The following MSRA variants were observed in gnomAD, a reference collection of about 807,000 sequenced individuals.
MSRA encodes methionine sulfoxide reductase A, also known as mitochondrial peptide methionine sulfoxide reductase.
A neutral mutation model predicts 31.3 loss-of-function variants in MSRA; 54 were observed. That is an observed-to-expected ratio of 1.73 (90% confidence interval 1.39 to 2.17). The LOEUF is 2.17. MSRA is among the 30% of genes most tolerant of loss of function. MSRA has a pLI of 0.00. For synonymous variants in MSRA, 169 were observed against 116.5 expected (o/e 1.45, Z -2.90); for missense variants, 507 against 300.9 (o/e 1.69, Z -5.07).
At chr8:10,209,423 T>G (rs1043403343) in intron 2 of MSRA, among the ~76,000 whole-genome samples, 6 of 152,252 alleles carry the variant, frequency 3.9e-5, no homozygotes, top group Admixed American at 3.3e-4. Context: ...AAAACTTCTT[T>G]CTTGAAGGGC....
At chr8:10,068,458 A>G (rs183921112) in intron 1 of MSRA, among the ~76,000 whole-genome samples, 1 of 152,178 alleles carries the variant, frequency 6.6e-6, no homozygotes, top group African/African-American at 2.4e-5. Context: ...GCATTTAGCT[A>G]TGTGATCCAT....
chr8:10,094,245 T>C (rs1046703597), intron 1 of MSRA, among the ~76,000 whole-genome samples: 4 of 152,266 alleles, frequency 2.6e-5, no homozygotes, highest in Non-Finnish European at 4.4e-5. Context: ...TTCACTGTTA[T>C]ATTACTTAAT....
intron 3 of MSRA, among the ~76,000 whole-genome samples, chr8:10,292,103 A>G (rs556797037): frequency 6.6e-6 from 1 of 152,336 alleles, no homozygotes; most frequent in African/African-American, 2.4e-5. Flanking sequence ...TTCTCTGCAT[A>G]GTAGCCACAT....
chr8:10,307,375 C>T (rs981918351), intron 4 of MSRA, among the ~76,000 whole-genome samples: 2 of 152,104 alleles, frequency 1.3e-5, no homozygotes, highest in Non-Finnish European at 2.9e-5. Flanking sequence ...CCATGTTGCT[C>T]AGGCTGGTCT....
chr8:10,312,234 T>C (rs192988677), intron 4 of MSRA, among the ~76,000 whole-genome samples: 63 of 152,202 alleles, frequency 4.1e-4, no homozygotes, highest in African/African-American at 1.5e-3. Flanking sequence ...AGTCGATATT[T>C]CACAATGGCT....
At chr8:10,114,098 A>T (rs1040169661) in intron 1 of MSRA, among the ~76,000 whole-genome samples, 6 of 152,210 alleles carry the variant, frequency 3.9e-5, no homozygotes, top group Non-Finnish European at 8.8e-5. Flanking sequence ...TCTTTTGCTT[A>T]GCATGGTGTT....
chr8:10,184,171 T>C (rs946406119), intron 1 of MSRA, among the ~76,000 whole-genome samples: 2 of 151,690 alleles, frequency 1.3e-5, no homozygotes, highest in Admixed American at 6.6e-5. Context: ...AGTGGTGTTA[T>C]TGTTGATGGT....
intron 1 of MSRA, among the ~76,000 whole-genome samples, chr8:10,091,356 T>A (rs1467782544): frequency 1.3e-5 from 2 of 152,268 alleles, no homozygotes; most frequent in Non-Finnish European, 2.9e-5. Context: ...AAGCTAATTA[T>A]GTGCATTGCC....
chr8:10,224,557 C>T (rs1217498723), intron 2 of MSRA, among the ~76,000 whole-genome samples: 1 of 152,070 alleles, frequency 6.6e-6, no homozygotes, highest in African/African-American at 2.4e-5. Flanking sequence ...AGAGGGCACA[C>T]TCTTTAATGG....
chr8:10,117,109 A>G (rs745423004), intron 1 of MSRA, among the ~76,000 whole-genome samples: 9 of 152,188 alleles, frequency 5.9e-5, no homozygotes, highest in African/African-American at 1.9e-4. Context: ...GGCAGCTCAT[A>G]TTTCTTGGCC....
intron 1 of MSRA, among the ~76,000 whole-genome samples, chr8:10,092,548 C>T (rs186539812): frequency 3.9e-5 from 6 of 152,008 alleles, no homozygotes; most frequent in Admixed American, 3.3e-4. Context: ...GTCCCAGCTA[C>T]TTGGGAGGCT....
At chr8:10,239,321 C>T (rs1585245589) in intron 2 of MSRA, among the ~76,000 whole-genome samples, 2 of 152,112 alleles carry the variant, frequency 1.3e-5, no homozygotes, top group Admixed American at 1.3e-4. Flanking sequence ...ACCACCATGC[C>T]CAGCTAATTT....
intron 5 of MSRA, among the ~76,000 whole-genome samples, chr8:10,397,214 C>G (rs539396111): frequency 3.7e-4 from 57 of 152,316 alleles, no homozygotes; most frequent in African/African-American, 1.3e-3. Flanking sequence ...TGAGCCATCT[C>G]TAATGCTTGT....
At chr8:10,184,859 A>G (rs570559517) in intron 1 of MSRA, among the ~76,000 whole-genome samples, 2 of 152,324 alleles carry the variant, frequency 1.3e-5, no homozygotes, top group East Asian at 3.9e-4. Flanking sequence ...CAGCACTCAC[A>G]TTGTACTGAA....
At chr8:10,346,806 A>G (rs1016669005) in intron 5 of MSRA, among the ~76,000 whole-genome samples, 5 of 152,210 alleles carry the variant, frequency 3.3e-5, no homozygotes, top group Admixed American at 6.5e-5. Context: ...AGTCCTTGCC[A>G]TTTGGGGCTG....
At chr8:10,263,692 G>T (rs552315215) in intron 3 of MSRA, among the ~76,000 whole-genome samples, 9 of 152,168 alleles carry the variant, frequency 5.9e-5, no homozygotes, top group Non-Finnish European at 1.3e-4. Flanking sequence ...GGGTCTTTCT[G>T]AAGGGAAGCC....
intron 5 of MSRA, among the ~76,000 whole-genome samples, chr8:10,341,963 C>G (rs1389982851): frequency 6.6e-6 from 1 of 152,178 alleles, no homozygotes; most frequent in East Asian, 1.9e-4. Context: ...TAAGCTGTGC[C>G]TCTTGTGTGC....
intron 1 of MSRA, among the ~76,000 whole-genome samples, chr8:10,056,143 G>T (rs1024140937): frequency 7.1e-6 from 1 of 140,580 alleles, no homozygotes; most frequent in Non-Finnish European, 1.5e-5. Context: ...TCCTCAGCTT[G>T]TGCTATACTT....
intron 1 of MSRA, among the ~76,000 whole-genome samples, chr8:10,114,110 A>G (rs1009202700): frequency 1.3e-5 from 2 of 152,198 alleles, no homozygotes; most frequent in African/African-American, 2.4e-5. Flanking sequence ...CATGGTGTTC[A>G]TGGTTCATCT....
Sources: gnomAD v4.1 joint callset for allele counts (sites outside exome capture counted in the v4.1 genomes callset) on GRCh38, gnomAD v4.1.1 for gene constraint, MANE v1.5 for transcripts, NCBI Gene and HGNC (gene_info 2026-07-23, HGNC 2026-07-21) for gene names.